VIT: variants seen among roughly 807,000 people sequenced by gnomAD.
VIT encodes the protein vitrin.
In VIT, 99 loss-of-function variants were observed where a neutral mutation model predicts 78.0. The observed-to-expected ratio is 1.27, with a 90% CI of 1.08 to 1.50. VIT has a LOEUF of 1.50. Ranked by LOEUF, VIT falls within the 40% of genes most tolerant of loss-of-function variation. VIT has a pLI of 0.00. For synonymous variants in VIT, 374 were observed against 334.3 expected, an observed-to-expected ratio of 1.12 and a Z score of -1.29; for missense variants, 1,126 against 875.3, an observed-to-expected ratio of 1.29 and a Z score of -3.61.
intron 8 of VIT, 29 bp from the exon 9 acceptor site, chr2:36,774,973 A>G: frequency 6.2e-7 from 1 of 1,611,726 alleles, no homozygotes; most frequent in Non-Finnish European, 8.5e-7. Flanking sequence ...GTTGTGTGTA[A>G]ATCGGCTGAC....
chr2:36,811,177 G>T (rs973913990), intron 15 of VIT, among the ~76,000 whole-genome samples: 6 of 152,084 alleles, frequency 3.9e-5, no homozygotes, highest in African/African-American at 1.2e-4. Flanking sequence ...GGTCCACCAG[G>T]CTCATATCAG....
intron 5 of VIT, 62 bp downstream of exon 5, chr2:36,755,116 A>G: frequency 6.6e-7 from 1 of 1,523,870 alleles, no homozygotes; most frequent in Non-Finnish European, 8.8e-7. Context: ...TGCTCTTTTC[A>G]TTGTGCTGTT....
At chr2:36,738,612 C>T (rs946352712) in intron 3 of VIT, among the ~76,000 whole-genome samples, 2 of 152,022 alleles carry the variant, frequency 1.3e-5, no homozygotes, top group Non-Finnish European at 2.9e-5. Flanking sequence ...AAGTCCCTGC[C>T]CTCATGAATT....
At chr2:36,759,200 C>T (rs1426321246) in intron 6 of VIT, 154 bp downstream of exon 6, 2 of 1,569,642 alleles carry the variant, frequency 1.3e-6, no homozygotes, top group East Asian at 4.7e-5. Flanking sequence ...GCACAGAAAT[C>T]AATGAGATCA....
At chr2:36,813,428 G>A (rs892646904) in intron 15 of VIT, among the ~76,000 whole-genome samples, 5 of 152,114 alleles carry the variant, frequency 3.3e-5, no homozygotes, top group Non-Finnish European at 2.9e-5. Context: ...TAGTCTGGGT[G>A]ACAGAGTGAG....
chr2:36,748,024 T>G (rs530216017), intron 4 of VIT, among the ~76,000 whole-genome samples: 1 of 152,352 alleles, frequency 6.6e-6, no homozygotes, highest in Admixed American at 6.5e-5. Flanking sequence ...TGGGATTTCT[T>G]TTCTTTAAGG....
intron 9 of VIT, among the ~76,000 whole-genome samples, chr2:36,780,576 G>A (rs527259903): frequency 3.5e-4 from 53 of 152,258 alleles, no homozygotes; most frequent in Non-Finnish European, 5.3e-4. Flanking sequence ...ACTAGCTCAA[G>A]GTCACACACC....
intron 3 of VIT, among the ~76,000 whole-genome samples, chr2:36,740,007 C>T (rs1016222550): frequency 2.6e-5 from 4 of 152,206 alleles, no homozygotes; most frequent in Non-Finnish European, 4.4e-5. Context: ...ACACAGCATT[C>T]CCCTCTGACT....
chr2:36,767,309 C>T (rs780136324), intron 7 of VIT, 24 bp downstream of exon 7: 3 of 1,495,202 alleles, frequency 2.0e-6, no homozygotes, highest in Admixed American at 2.3e-5. Context: ...CCATGTGTTG[C>T]TTTGTGCTAG....
At chr2:36,703,053 G>A (rs1388552361) in intron 1 of VIT, among the ~76,000 whole-genome samples, 1 of 152,160 alleles carries the variant, frequency 6.6e-6, no homozygotes, top group East Asian at 1.9e-4. Context: ...CTCTCCTGTA[G>A]AGGACTTAAT....
At chr2:36,708,096 C>A (rs867150629) in intron 1 of VIT, among the ~76,000 whole-genome samples, 15 of 150,736 alleles carry the variant, frequency 1.0e-4, no homozygotes, top group African/African-American at 3.7e-4. Flanking sequence ...GCCACCACCA[C>A]ATTGTAAAGG....
At chr2:36,705,866 G>A (rs574375779) in intron 1 of VIT, among the ~76,000 whole-genome samples, 1 of 152,274 alleles carries the variant, frequency 6.6e-6, no homozygotes, top group East Asian at 1.9e-4. Flanking sequence ...TCTTTGTTGT[G>A]GAGGCTGTCC....
intron 7 of VIT, among the ~76,000 whole-genome samples, chr2:36,768,306 C>T (rs1039901907): frequency 1.3e-5 from 2 of 152,012 alleles, no homozygotes; most frequent in Admixed American, 6.5e-5. Context: ...GTGGCACGTG[C>T]CTATAGTCCC....
intron 6 of VIT, among the ~76,000 whole-genome samples, chr2:36,761,037 G>C (rs779247757): frequency 6.6e-5 from 10 of 152,066 alleles, no homozygotes; most frequent in Non-Finnish European, 1.0e-4. Context: ...CACATGTCAA[G>C]CACCCCCTAT....
intron 4 of VIT, among the ~76,000 whole-genome samples, chr2:36,751,357 C>A (rs1668451243): frequency 6.6e-6 from 1 of 151,990 alleles, no homozygotes; most frequent in Admixed American, 6.6e-5. Context: ...GATCTCGCCA[C>A]TGCACTCCAG....
At chr2:36,789,640 C>T (rs538983415) in intron 12 of VIT, among the ~76,000 whole-genome samples, 20 of 152,248 alleles carry the variant, frequency 1.3e-4, no homozygotes, top group South Asian at 6.2e-4. Context: ...CTTCAATCCC[C>T]GCTGTATGCA....
intron 2 of VIT, among the ~76,000 whole-genome samples, chr2:36,718,971 G>C (rs915375228): frequency 1.3e-5 from 2 of 152,138 alleles, no homozygotes; most frequent in African/African-American, 4.8e-5. Context: ...ATGGGTTGAG[G>C]GTGGGACAAG....
chr2:36,729,819 C>G (rs1667085326), intron 3 of VIT, among the ~76,000 whole-genome samples: 1 of 152,274 alleles, frequency 6.6e-6, no homozygotes, highest in South Asian at 2.1e-4. Context: ...CTCAATTCCC[C>G]ATACCAGAAA....
At chr2:36,714,074 T>C (rs150874282) in intron 1 of VIT, among the ~76,000 whole-genome samples, 11 of 152,346 alleles carry the variant, frequency 7.2e-5, no homozygotes, top group African/African-American at 1.9e-4. Context: ...GCTACCTTAA[T>C]TGGGAAATTT....
Sources: gnomAD v4.1 joint callset for allele counts (sites outside exome capture counted in the v4.1 genomes callset) on GRCh38, gnomAD v4.1.1 for gene constraint, MANE v1.5 for transcripts, NCBI Gene and HGNC (gene_info 2026-07-23, HGNC 2026-07-21) for gene names.